The following SLC66A2 variants were observed in gnomAD, a reference collection of about 807,000 sequenced individuals.
The protein encoded by SLC66A2 is solute carrier family 66 member 2.
A neutral mutation model predicts 25.5 loss-of-function variants in SLC66A2; 23 were observed. The observed-to-expected ratio is 0.90, with a 90% CI of 0.65 to 1.28. The LOEUF (loss-of-function observed/expected upper bound fraction) is 1.28. Among genes scored for constraint, SLC66A2 ranks in the 50% most tolerant of loss-of-function variants. The probability of loss-of-function intolerance (pLI) is 0.00; values close to 1 mark genes in which losing one functional copy is unlikely to be tolerated. For synonymous variants in SLC66A2, 193 were observed against 166.5 expected (o/e 1.16, Z -1.23); for missense variants, 396 against 373.1 (o/e 1.06, Z -0.51).
rs759563401 is a variant in SLC66A2 at position 79,919,408 on chromosome 18, G to A, written c.392-8C>T. On this transcript the variant is annotated splice_polypyrimidine_tract_variant and splice_region_variant and intron_variant, in intron 4 of 5. Transcript: ENST00000397778. ...AGTGGTGGGGGTCGAAGTCTAGGGC[G>A]AGAGGGAGAAGCAGCCTCAGCACAG... 1.4e-5 allele frequency: 22 copies of A among 1,611,544 alleles called. 1 individual carries two copies. The highest frequency in any genetic ancestry group is 2.7e-5 in the African/African-American group (2 of 74,890).
chr18:79,904,610 G>A lies in SLC66A2; in HGVS notation c.609-427C>T, dbSNP rs1389133922. On this transcript the variant is annotated intron_variant, in intron 5 of 5. Coordinates refer to ENST00000397778, the MANE Select transcript of SLC66A2 (RefSeq NM_025078.5). This position sits in a 1 kb window ranked among gnomAD's most constrained non-coding sequence, Gnocchi z 6.3. ...GCGGTGGCAATTCTGGGAGGGGCCGGGCCTGGGAGGGTGCTGAGGACGCAG... is the reference window on the plus strand; with the variant it reads ...GCGGTGGCAATTCTGGGAGGGGCCGAGCCTGGGAGGGTGCTGAGGACGCAG... Among the ~76,000 whole-genome samples the A allele has an allele frequency of 1.3e-5, 2 of 152,098 alleles. No homozygotes were observed. The highest frequency in any genetic ancestry group is 1.3e-4 in the Admixed American group (2 of 15,286).
At chr18:79,908,857 C>G (rs958686711) in intron 5 of SLC66A2, among the ~76,000 whole-genome samples, 1 of 152,192 alleles carries the variant, frequency 6.6e-6, no homozygotes, top group Non-Finnish European at 1.5e-5. Flanking sequence ...CTTTAAACTT[C>G]TATTTCTCTA....
chr18:79,929,847 T>G (rs894378631), intron 4 of SLC66A2, among the ~76,000 whole-genome samples: 3 of 152,086 alleles, frequency 2.0e-5, no homozygotes, highest in African/African-American at 7.2e-5. Context: ...AACAACAGAC[T>G]GAGCTGGCAG....
chr18:79,903,940 G>A lies in SLC66A2; in HGVS notation c.*36C>T, dbSNP rs3744881. Reference sequence around the variant, plus strand: ...GGGAGGTCAGGGCCCACCAGTGCCCGCGGCTGGCGGTCCCACATCCTCGTC... The same window carrying A: ...GGGAGGTCAGGGCCCACCAGTGCCCACGGCTGGCGGTCCCACATCCTCGTC... On this transcript the variant is annotated 3_prime_UTR_variant, in exon 6 of 6. Coordinates refer to ENST00000397778, the MANE Select transcript of SLC66A2 (RefSeq NM_025078.5). 0.39 allele frequency: 610,455 copies of A among 1,556,002 alleles called. 123,088 individuals are homozygous for A. The highest frequency in any genetic ancestry group is 0.44 in the Middle Eastern group (1,913 of 4,330).
Position 79,903,885 on chromosome 18 carries a change from G to T in SLC66A2, c.*91C>A. 8.2e-7 allele frequency: 1 copy of T among 1,218,236 alleles called. No individual in the cohort carries two copies. Among genetic ancestry groups the T allele is most frequent in the Non-Finnish European group, 1.1e-6 (1 of 880,910 alleles). 75.5% of individuals were successfully genotyped at this position (1,218,236 alleles called of 1,614,324 possible). A position where few individuals can be genotyped will look rare whatever the true frequency, so the allele number is the denominator to read the frequency against. The stretch of plus-strand genomic sequence containing the variant: ...CCCATGCCCCATCTCTGCCACACCT[G>T]CAGGGGCCACAGCACCCACCCTCCC... On this transcript the variant is annotated 3_prime_UTR_variant, in exon 6 of 6. Transcript: ENST00000397778.
At position 79,917,831 on chromosome 18, in the gene SLC66A2, C is replaced by T. The variant is rs543153733; in HGVS notation, c.608+1353G>A. The stretch of plus-strand genomic sequence containing the variant: ...CAGGGCAGCCCAATCCCCACCTGCA[C>T]CCCACACCACACCCCAACCTGTACC... On this transcript the variant is annotated intron_variant, in intron 5 of 5. Transcript: ENST00000397778. This position sits in a 1 kb window ranked among gnomAD's most constrained non-coding sequence, Gnocchi z 6.0. Among the ~76,000 whole-genome samples, 1 of 151,932 alleles carries T rather than the reference C, an allele frequency of 6.6e-6. No homozygotes were observed. The highest frequency in any genetic ancestry group is 2.4e-5 in the African/African-American group (1 of 41,392).
In SLC66A2 at chr18:79,934,002, C is replaced by G. The variant is rs143800147; in HGVS notation, c.358G>C (p.Glu120Gln). The change falls in exon 4 of 6, where the codon GAA becomes CAA. Residue 120 changes from glutamate (E) to glutamine (Q), a missense_variant. Glu to Gln is a conservative substitution (Grantham distance 29). Transcript: ENST00000397778. ...SFTAADSKDE[E>Q]VKVAPRRSFL... ...GACCGCCTGGGGGCAACCTTGACTTCTTCATCCTTGCTATCTGCAGCTACA... is the reference window on the plus strand; with the variant it reads ...GACCGCCTGGGGGCAACCTTGACTTGTTCATCCTTGCTATCTGCAGCTACA... 4 of 1,612,658 alleles carry G rather than the reference C, an allele frequency of 2.5e-6. No individual in the cohort carries two copies. The African/African-American group carries it at 5.3e-5, about 22-fold the overall frequency.
intron 3 of SLC66A2, 115 bp from the exon 4 acceptor site, chr18:79,934,137 A>G (rs1222586234): frequency 2.4e-5 from 20 of 826,730 alleles, no homozygotes; most frequent in Non-Finnish European, 3.7e-5. Context: ...TTAAAAAAAA[A>G]AAAACAAACC....
chr18:79,909,529 A>AACCTTCCCCACACCCTCAC (rs1982624098), intron 5 of SLC66A2, among the ~76,000 whole-genome samples: 1 of 41,280 alleles, frequency 2.4e-5, no homozygotes, highest in Non-Finnish European at 5.5e-5. Context: ...CAACATCACC[A>AACCTTCCCCACACCCTCAC]CAGAGTCCCC....
At chr18:79,905,632 C>T (rs1982011238) in intron 5 of SLC66A2, among the ~76,000 whole-genome samples, 2 of 152,392 alleles carry the variant, frequency 1.3e-5, no homozygotes, top group East Asian at 1.9e-4. Flanking sequence ...CTTCGCCCCA[C>T]GCAGCTTCCG....
intron 5 of SLC66A2, among the ~76,000 whole-genome samples, chr18:79,908,733 T>TA (rs1982498903): frequency 6.6e-6 from 1 of 152,252 alleles, no homozygotes; most frequent in Non-Finnish European, 1.5e-5. Context: ...GGACATTTTT[T>TA]AATGATCTGC....
At chr18:79,948,459 G>C (rs1000669518) in intron 2 of SLC66A2, among the ~76,000 whole-genome samples, 1 of 152,164 alleles carries the variant, frequency 6.6e-6, no homozygotes, top group African/African-American at 2.4e-5. Context: ...TCCTTTCACA[G>C]CCTCGCAAGT....
intron 2 of SLC66A2, chr18:79,947,463 C>G (rs72984230): frequency 0.015 from 2,328 of 152,646 alleles, 30 homozygotes; most frequent in Middle Eastern, 0.024. Context: ...CAACGGGGAG[C>G]TGCCCAGAGG....
chr18:79,917,568 G>A lies in SLC66A2; in HGVS notation c.608+1616C>T, dbSNP rs1984358688. On this transcript the variant is annotated intron_variant, in intron 5 of 5. Coordinates refer to ENST00000397778, the MANE Select transcript of SLC66A2 (RefSeq NM_025078.5). This position sits in a 1 kb window ranked among gnomAD's most constrained non-coding sequence, Gnocchi z 6.0. ...GTGGCTGGGGACGCCACACTCCGCC[G>A]GACAAGGCCCACGTCCAGCCGGGGA... 1.3e-5 allele frequency among the ~76,000 whole-genome samples: 2 copies of A among 152,034 alleles called. No homozygotes were observed. Among genetic ancestry groups the A allele is most frequent in the South Asian group, 2.1e-4 (1 of 4,820 alleles).
intron 5 of SLC66A2, among the ~76,000 whole-genome samples, chr18:79,906,065 G>A (rs964896382): frequency 9.2e-5 from 14 of 152,210 alleles, no homozygotes; most frequent in African/African-American, 3.4e-4. Context: ...GCATGAGGTT[G>A]TTCATTGTAC....
chr18:79,919,381 G>A lies in SLC66A2; in HGVS notation c.411C>T (p.Phe137=), dbSNP rs1443470444. 2 of 1,613,128 alleles carry A rather than the reference G, an allele frequency of 1.2e-6. No homozygotes were observed. The highest frequency in any genetic ancestry group is 3.3e-5 in the Admixed American group (2 of 60,020). Residue 137 remains phenylalanine, a synonymous_variant, in exon 5 of 6, where the codon TTC becomes TTT. Coordinates refer to ENST00000397778, the MANE Select transcript of SLC66A2 (RefSeq NM_025078.5). ...RSFLDFDPHH[F]WQWSSFSDYV... is the part of the protein sequence containing the mutation. The stretch of plus-strand genomic sequence containing the variant: ...AGTCCGAGAAGCTGCTCCACTGCCA[G>A]AAGTGGTGGGGGTCGAAGTCTAGGG...
At chr18:79,923,130 C>T (rs1250286054) in intron 4 of SLC66A2, among the ~76,000 whole-genome samples, 4 of 149,486 alleles carry the variant, frequency 2.7e-5, no homozygotes, top group Non-Finnish European at 5.9e-5. Context: ...CACAGCGGGG[C>T]GTGGGCTCAT....
At chr18:79,910,063 GCCTTCCCCACCATCTCACCAGTCTCCAA>G (rs1982820994) in intron 5 of SLC66A2, among the ~76,000 whole-genome samples, 4 of 59,598 alleles carry the variant, frequency 6.7e-5, no homozygotes, top group Non-Finnish European at 1.2e-4. Context: ...AGAGTCCCCA[GCCTTCCCCACCATCTCACCAGTCTCCAA>G]CCTTCCCCAC....
In SLC66A2 at chr18:79,927,702, G is replaced by C. The variant is rs1366921111; in HGVS notation, c.391+6267C>G. On this transcript the variant is annotated intron_variant, in intron 4 of 5. Transcript: ENST00000397778. This position sits in a 1 kb window ranked among gnomAD's most constrained non-coding sequence, Gnocchi z 6.2. The stretch of plus-strand genomic sequence containing the variant: ...GAGTGGGACAGGCTGAGTGGGGACT[G>C]AGCACGTCTAGGGCCAGAGTGGGAG... 2.0e-5 allele frequency among the ~76,000 whole-genome samples: 3 copies of C among 152,112 alleles called. No individual in the cohort carries two copies. Among genetic ancestry groups the C allele is most frequent in the African/African-American group, 7.2e-5 (3 of 41,428 alleles).
Sources: gnomAD v4.1 joint callset for allele counts (sites outside exome capture counted in the v4.1 genomes callset) on GRCh38, gnomAD v4.1.1 for gene constraint, Gnocchi (gnomAD v3.1) non-coding constraint, MANE v1.5 for transcripts, NCBI Gene and HGNC (gene_info 2026-07-23, HGNC 2026-07-21) for gene names.